The following MDGA1 variants were observed in gnomAD, a reference collection of about 807,000 sequenced individuals.
The protein encoded by MDGA1 is MAM domain containing glycosylphosphatidylinositol anchor 1.
In MDGA1, 54 loss-of-function variants were observed where a neutral mutation model predicts 101.5. The ratio of observed to expected loss-of-function variants is 0.53; its 90% confidence interval spans 0.43 to 0.67. The LOEUF (loss-of-function observed/expected upper bound fraction) is 0.67. MDGA1 is among the 30% of genes least tolerant of loss of function. The probability of loss-of-function intolerance (pLI) is 0.00; values close to 1 mark genes in which losing one functional copy is unlikely to be tolerated. For synonymous variants in MDGA1, 533 were observed against 558.3 expected, an observed-to-expected ratio of 0.95 and a Z score of 0.64; for missense variants, 1,083 against 1,323.8, an observed-to-expected ratio of 0.82 and a Z score of 2.82.
chr6:37,648,690 G>A (rs1386728025), intron 9 of MDGA1: 3 of 529,122 alleles, frequency 5.7e-6, no homozygotes, highest in African/African-American at 2.0e-5. Context: ...TATAGGCATA[G>A]GCGGGCCTTG....
In MDGA1 at chr6:37,635,294, T is replaced by A. The variant is rs1165560257; in HGVS notation, c.*2074A>T. ...GGAGTGGTTTCCACACCAGGCTCAC[T>A]TGTGCTGGGCACGAGCGGGAGGTGG... On this transcript the variant is annotated 3_prime_UTR_variant, in exon 17 of 17. Coordinates refer to ENST00000434837, the MANE Select transcript of MDGA1 (RefSeq NM_153487.4). The A allele has an allele frequency of 1.0e-5, 4 of 396,696 alleles. No individual in the cohort carries two copies. Among genetic ancestry groups the A allele is most frequent in the Non-Finnish European group, 1.8e-5 (4 of 225,494 alleles). The allele number at this position is 396,696 out of a possible 1,614,324, so 24.6% of individuals were successfully genotyped here.
chr6:37,651,757 G>A (rs193219947), intron 7 of MDGA1, among the ~76,000 whole-genome samples: 5 of 152,298 alleles, frequency 3.3e-5, no homozygotes, highest in Admixed American at 6.5e-5. Context: ...ATTTATTTGT[G>A]AGACTATCTG....
Position 37,663,952 on chromosome 6 carries a change from G to A in MDGA1, c.207+15C>T, listed in dbSNP as rs1421597177. 1.9e-6 allele frequency: 3 copies of A among 1,613,590 alleles called. No individual in the cohort carries two copies. The highest frequency in any genetic ancestry group is 2.5e-6 in the Non-Finnish European group (3 of 1,179,668). On this transcript the variant is annotated intron_variant, in intron 2 of 16. Transcript: ENST00000434837. The stretch of plus-strand genomic sequence containing the variant: ...GGGTAGGAGGGGCCTGAGCAAGGCT[G>A]GGCTGGGGGCTTACCTGGGGTCGAG...
intron 2 of MDGA1, among the ~76,000 whole-genome samples, chr6:37,661,515 G>A (rs991399622): frequency 6.6e-6 from 1 of 152,292 alleles, no homozygotes; most frequent in East Asian, 1.9e-4. Context: ...ACTTTGCTTG[G>A]CATGTAGCAG....
intron 1 of MDGA1, among the ~76,000 whole-genome samples, chr6:37,671,156 T>C (rs971664757): frequency 6.6e-6 from 1 of 152,236 alleles, no homozygotes; most frequent in African/African-American, 2.4e-5. Flanking sequence ...GAGTGTTCAC[T>C]GATAGTCCAT....
In MDGA1 at chr6:37,657,636, C is replaced by T. The variant is rs575009065; in HGVS notation, c.382+609G>A. Reference sequence around the variant, plus strand: ...GTTCATTATAAGCCTTAAAATGGTGCCAGACAGGCTCCTGGGCCTGGGCCA... The same window carrying T: ...GTTCATTATAAGCCTTAAAATGGTGTCAGACAGGCTCCTGGGCCTGGGCCA... On this transcript the variant is annotated intron_variant, in intron 3 of 16. Transcript: ENST00000434837. Among the ~76,000 whole-genome samples the T allele has an allele frequency of 3.0e-4, 45 of 152,304 alleles. No homozygotes were observed. In the South Asian group the frequency reaches 9.1e-3, roughly 31 times the overall value.
At chr6:37,663,151 C>T (rs1424728383) in intron 2 of MDGA1, among the ~76,000 whole-genome samples, 1 of 152,148 alleles carries the variant, frequency 6.6e-6, no homozygotes, top group Admixed American at 6.5e-5. Context: ...AGTAGCTCAC[C>T]AGCAAATTCC....
Position 37,655,590 on chromosome 6 carries a change from A to T in MDGA1, c.579+110T>A, listed in dbSNP as rs1761465004. ...CAATCAGAATGTGTGTTTCCAAAGT[A>T]AGAATAGAATTGTTGAAGTCAAGGC... On this transcript the variant is annotated intron_variant, in intron 4 of 16. Coordinates refer to ENST00000434837, the MANE Select transcript of MDGA1 (RefSeq NM_153487.4). The surrounding 1 kb of genome is among the most constrained non-coding windows in gnomAD (Gnocchi z 5.1). 1 of 793,740 alleles carries T rather than the reference A, an allele frequency of 1.3e-6. No homozygotes were observed. The highest frequency in any genetic ancestry group is 1.9e-5 in the South Asian group (1 of 52,756). The allele number at this position is 793,740 out of a possible 1,614,324, so 49.2% of individuals were successfully genotyped here.
chr6:37,637,611 C>G lies in MDGA1; in HGVS notation c.2777-152G>C, dbSNP rs149367178. On this transcript the variant is annotated intron_variant, in intron 16 of 16. Coordinates refer to ENST00000434837, the MANE Select transcript of MDGA1 (RefSeq NM_153487.4). ...CCTCAGTGCACACAGACAAACTCAC[C>G]GCACAGACATGAGGTGGCGTGGGGT... Among the ~76,000 whole-genome samples the G allele has an allele frequency of 4.2e-4, 64 of 152,254 alleles. No individual in the cohort carries two copies. The East Asian group carries it at 0.012, about 29-fold the overall frequency.
chr6:37,667,551 G>A (rs913972513), intron 1 of MDGA1, among the ~76,000 whole-genome samples: 1 of 152,158 alleles, frequency 6.6e-6, no homozygotes, highest in Non-Finnish European at 1.5e-5. Flanking sequence ...CATCTTTCAC[G>A]ATACGTGAAA....
At chr6:37,645,804 C>T (rs1470068030) in intron 12 of MDGA1, 129 bp downstream of exon 12, 2 of 1,100,428 alleles carry the variant, frequency 1.8e-6, no homozygotes, top group East Asian at 2.5e-5. Flanking sequence ...GGCCCTACCC[C>T]ATGGAAACAC....
rs917556525 is a variant in MDGA1, at chr6:37,635,210, T to C, written c.*2158A>G. On this transcript the variant is annotated 3_prime_UTR_variant, in exon 17 of 17. Coordinates refer to ENST00000434837, the MANE Select transcript of MDGA1 (RefSeq NM_153487.4). ...AATACTTTTTAAAGGACTCTGGTGGTTCTATTCTGCAGGCAAGGCCAGGAA... is the reference window on the plus strand; with the variant it reads ...AATACTTTTTAAAGGACTCTGGTGGCTCTATTCTGCAGGCAAGGCCAGGAA... The C allele has an allele frequency of 1.4e-5, 5 of 367,140 alleles. No homozygotes were observed. Among genetic ancestry groups the C allele is most frequent in the Non-Finnish European group, 2.4e-5 (5 of 206,584 alleles). The allele number at this position is 367,140 out of a possible 1,614,324, so 22.7% of individuals were successfully genotyped here. A position where few individuals can be genotyped will look rare whatever the true frequency, so the allele number is the denominator to read the frequency against.
intron 1 of MDGA1, among the ~76,000 whole-genome samples, chr6:37,666,754 A>G (rs1162531839): frequency 1.3e-5 from 2 of 152,238 alleles, no homozygotes; most frequent in Non-Finnish European, 2.9e-5. Flanking sequence ...TAAGAGAGAT[A>G]TAGAAGGCCC....
chr6:37,652,088 G>C lies in MDGA1; in HGVS notation c.1235C>G (p.Thr412Ser), dbSNP rs1462520664. The C allele has an allele frequency of 6.2e-7, 1 of 1,613,618 alleles. No individual in the cohort carries two copies. The highest frequency in any genetic ancestry group is 8.5e-7 in the Non-Finnish European group (1 of 1,179,880). The part of the protein sequence containing the change: ...LIDLHFSDYG[T>S]YLCMASFPGA... ...TGGGAAAGAAGCCATGCACAGGTAG[G>C]TGCCATAGTCACTGAAGTGCAGGTC... The change falls in exon 7 of 17, where the codon ACC (threonine) becomes AGC (serine). Residue 412 changes from threonine to serine, a missense_variant. By Grantham distance (58) the Thr-to-Ser change is moderately conservative. Transcript: ENST00000434837. This position sits in a 1 kb window ranked among gnomAD's most constrained non-coding sequence, Gnocchi z 4.3.
chr6:37,685,327 T>C (rs1561863361), intron 1 of MDGA1, among the ~76,000 whole-genome samples: 1 of 151,866 alleles, frequency 6.6e-6, no homozygotes, highest in Non-Finnish European at 1.5e-5. Flanking sequence ...TTCAGGAGCG[T>C]CTCAGGGCCG....
At chr6:37,687,784 T>C (rs540434293) in intron 1 of MDGA1, among the ~76,000 whole-genome samples, 1 of 152,040 alleles carries the variant, frequency 6.6e-6, no homozygotes, top group South Asian at 2.1e-4. Context: ...ACTTTATTCT[T>C]AACCAAACAG....
intron 9 of MDGA1, among the ~76,000 whole-genome samples, chr6:37,647,533 T>G (rs1761237168): frequency 1.4e-5 from 2 of 147,758 alleles, no homozygotes; most frequent in Non-Finnish European, 3.0e-5. Context: ...AAGTGGGAGA[T>G]GGAGACAGGG....
intron 1 of MDGA1, among the ~76,000 whole-genome samples, chr6:37,665,390 G>A (rs1761725974): frequency 6.6e-6 from 1 of 152,170 alleles, no homozygotes; most frequent in Admixed American, 6.5e-5. Flanking sequence ...TCATAAGAGT[G>A]ATGGAACCGA....
chr6:37,638,221 C>A lies in MDGA1; in HGVS notation c.2760G>T (p.Gln920His), dbSNP rs780711872. 6.2e-6 allele frequency: 10 copies of A among 1,613,532 alleles called. No individual in the cohort carries two copies. In the Admixed American group the frequency reaches 1.2e-4, roughly 19 times the overall value. ...GTCTTGCACCTTTATTGGGATCCGTCTGCTTCCGGGGACACTCCCCCTTCT... is the reference window on the plus strand; with the variant it reads ...GTCTTGCACCTTTATTGGGATCCGTATGCTTCCGGGGACACTCCCCCTTCT... The part of the protein sequence containing the change: ...TLKKGECPRK[Q>H]TDPNKVVVMP... Residue 920 changes from glutamine (Q) to histidine (H), a missense_variant, in exon 16 of 17, where the codon CAG (glutamine) becomes CAT (histidine). Gln to His is a conservative substitution (Grantham distance 24). Around this residue, in one of 3 missense-constraint regions of MDGA1, gnomAD observed 657 missense variants for 771.4 expected, o/e 0.85. Coordinates refer to ENST00000434837, the MANE Select transcript of MDGA1 (RefSeq NM_153487.4). The surrounding 1 kb of genome is among the most constrained non-coding windows in gnomAD (Gnocchi z 4.8).
Sources: gnomAD v4.1 joint callset for allele counts (sites outside exome capture counted in the v4.1 genomes callset) on GRCh38, gnomAD v4.1.1 for gene constraint, gnomAD v4.1.1 regional missense constraint, Gnocchi (gnomAD v3.1) non-coding constraint, MANE v1.5 for transcripts, NCBI Gene and HGNC (gene_info 2026-07-23, HGNC 2026-07-21) for gene names.